TCERG1: variants seen among roughly 807,000 people sequenced by gnomAD.
The protein encoded by TCERG1 is transcription elongation regulator 1, also known as TATA box binding protein (TBP)-associated factor, RNA polymerase II, S, 150kD.
In TCERG1, 37 loss-of-function variants were observed where a neutral mutation model predicts 144.7. The ratio of observed to expected loss-of-function variants is 0.26; its 90% CI spans 0.20 to 0.34. The LOEUF (loss-of-function observed/expected upper bound fraction) is 0.34, where lower values mean the gene tolerates loss of function less well. TCERG1 is among the 10% of genes least tolerant of loss of function. The pLI is 1.00. For synonymous variants in TCERG1, 492 were observed against 458.2 expected (o/e 1.07, Z -0.94); for missense variants, 1,027 against 1,380.7 (o/e 0.74, Z 4.06).
chr5:146,493,050 G>C lies in TCERG1; in HGVS notation c.2282+12G>C, dbSNP rs757860222. 6.6e-7 allele frequency: 1 copy of C among 1,519,484 alleles called. No individual in the cohort carries two copies. The highest frequency in any genetic ancestry group is 1.2e-5 in the South Asian group (1 of 84,172). The allele number at this position is 1,519,484 out of a possible 1,614,324, so 94.1% of individuals were successfully genotyped here. A position where few individuals can be genotyped will look rare whatever the true frequency, so the allele number is the denominator to read the frequency against. ...AAATTTAATCCAAGGTATGTGGTTT[G>C]TTTCTCTTAAATATCAAAGTGTATT... On this transcript the variant is annotated intron_variant, in intron 16 of 22. Coordinates refer to ENST00000679501, the MANE Select transcript of TCERG1 (RefSeq NM_001382548.1).
chr5:146,453,398 A>G (rs1438187131), intron 1 of TCERG1, among the ~76,000 whole-genome samples: 1 of 152,230 alleles, frequency 6.6e-6, no homozygotes, highest in African/African-American at 2.4e-5. Flanking sequence ...GCACACGTGC[A>G]TCCTCTTTGT....
chr5:146,471,710 T>G, intron 9 of TCERG1, 134 bp downstream of exon 9: 2 of 575,664 alleles, frequency 3.5e-6, no homozygotes, highest in Non-Finnish European at 6.0e-6. Flanking sequence ...GCGATTCTCC[T>G]GCCTCAGCTT....
At chr5:146,461,353 T>C (rs963125231) in intron 4 of TCERG1, among the ~76,000 whole-genome samples, 1 of 152,182 alleles carries the variant, frequency 6.6e-6, no homozygotes, top group African/African-American at 2.4e-5. Flanking sequence ...TTAATATTTC[T>C]CCATCTATTA....
chr5:146,509,065 G>A (rs1561712430), intron 21 of TCERG1, 80 bp from the exon 22 acceptor site: 4 of 748,584 alleles, frequency 5.3e-6, no homozygotes, highest in East Asian at 2.8e-5. Context: ...ACACATTACT[G>A]TTTAATAAAT....
intron 5 of TCERG1, among the ~76,000 whole-genome samples, chr5:146,466,314 G>T (rs1314597044): frequency 6.6e-6 from 1 of 152,150 alleles, no homozygotes; most frequent in Non-Finnish European, 1.5e-5. Flanking sequence ...CTTTGAAATA[G>T]TATTGTATGG....
At chr5:146,472,728 T>TGTGTG (rs1561660643) in intron 9 of TCERG1, among the ~76,000 whole-genome samples, 1 of 150,680 alleles carries the variant, frequency 6.6e-6, no homozygotes, top group South Asian at 2.1e-4. Context: ...TGTGTGTGTG[T>TGTGTG]TTTGAGACGG....
At chr5:146,475,060 C>G (rs1764706971) in intron 9 of TCERG1, among the ~76,000 whole-genome samples, 1 of 152,154 alleles carries the variant, frequency 6.6e-6, no homozygotes, top group African/African-American at 2.4e-5. Flanking sequence ...CCTGCTCCAA[C>G]TTATTTAATC....
At chr5:146,510,231 G>A in intron 22 of TCERG1, 1 of 724,264 alleles carries the variant, frequency 1.4e-6, no homozygotes, top group East Asian at 3.3e-5. Context: ...AGGGGTGGGA[G>A]GGTAATTCAG....
At chr5:146,475,274 C>G (rs185261359) in intron 9 of TCERG1, among the ~76,000 whole-genome samples, 9 of 152,278 alleles carry the variant, frequency 5.9e-5, no homozygotes, top group Non-Finnish European at 2.9e-5. Flanking sequence ...GCAAGCAGGT[C>G]TAGAAGTGTG....
chr5:146,486,096 T>C (rs933352648), intron 15 of TCERG1, among the ~76,000 whole-genome samples: 1 of 152,242 alleles, frequency 6.6e-6, no homozygotes, highest in African/African-American at 2.4e-5. Context: ...ACACGTTTTT[T>C]GAATACTTGG....
intron 8 of TCERG1, 69 bp from the exon 9 acceptor site, chr5:146,471,419 T>A (rs1581444161): frequency 7.0e-7 from 1 of 1,423,288 alleles, no homozygotes; most frequent in African/African-American, 1.4e-5. Context: ...GCTGTTTGCC[T>A]TCATGTTTTT....
At chr5:146,485,768 A>C (rs1472599714) in intron 15 of TCERG1, among the ~76,000 whole-genome samples, 1 of 152,062 alleles carries the variant, frequency 6.6e-6, no homozygotes, top group Non-Finnish European at 1.5e-5. Context: ...ATCTCATCTT[A>C]CTGCAGCCTC....
chr5:146,469,127 C>A (rs1468622000), intron 6 of TCERG1, among the ~76,000 whole-genome samples: 1 of 151,858 alleles, frequency 6.6e-6, no homozygotes, highest in Non-Finnish European at 1.5e-5. Flanking sequence ...CTTTTAGTTA[C>A]CTTAAAATTA....
chr5:146,455,893 GACTT>G (rs1428857162), intron 2 of TCERG1, among the ~76,000 whole-genome samples: 25 of 152,178 alleles, frequency 1.6e-4, no homozygotes, highest in Non-Finnish European at 4.4e-5. Context: ...AGTGTATCCA[GACTT>G]ACTGTCTGAG....
Position 146,463,674 on chromosome 5 carries a change from C to A in TCERG1, c.1016C>A (p.Thr339Lys). The change falls in exon 5 of 23, where the codon ACG (threonine) becomes AAG (lysine). Residue 339 changes from threonine to lysine, a missense_variant. This residue lies in a region of TCERG1 where 187 missense variants were observed against 169.1 expected (regional missense o/e 1.11). Coordinates refer to ENST00000679501, the MANE Select transcript of TCERG1 (RefSeq NM_001382548.1). ...VQTVPQPHPQ[T>K]LPPAVPHSVP... The stretch of plus-strand genomic sequence containing the variant: ...ACCGTTCCCCAGCCGCACCCTCAGA[C>A]GTTACCTCCTGCTGTTCCTCATTCA... The A allele has an allele frequency of 1.2e-6, 2 of 1,614,200 alleles. No individual in the cohort carries two copies. The highest frequency in any genetic ancestry group is 1.7e-6 in the Non-Finnish European group (2 of 1,180,038).
rs1352872729 is a variant in TCERG1 at position 146,503,848 on chromosome 5, G to A, written c.2623G>A (p.Glu875Lys). Residue 875 changes from glutamate to lysine, a missense_variant, in exon 19 of 23, where the codon GAG becomes AAG. Glu to Lys is a moderately conservative substitution (Grantham distance 56, BLOSUM62 1). Around this residue, in one of 6 missense-constraint regions of TCERG1, gnomAD observed 482 missense variants for 632.6 expected, o/e 0.76. Coordinates refer to ENST00000679501, the MANE Select transcript of TCERG1 (RefSeq NM_001382548.1). Reference sequence around the variant, plus strand: ...GAATTTAGACTCAGAAAAAGAAAAGGAGCTTGAAAGGCAAGCCCGCATTGA... The same window carrying A: ...GAATTTAGACTCAGAAAAAGAAAAGAAGCTTGAAAGGCAAGCCCGCATTGA... ...AKNLDSEKEK[E>K]LERQARIEAS... The A allele has an allele frequency of 6.3e-7, 1 of 1,597,538 alleles. No homozygotes were observed. Among genetic ancestry groups the A allele is most frequent in the Non-Finnish European group, 8.5e-7 (1 of 1,175,568 alleles).
At chr5:146,476,472 G>A (rs1034907294) in intron 9 of TCERG1, among the ~76,000 whole-genome samples, 2 of 152,012 alleles carry the variant, frequency 1.3e-5, no homozygotes, top group African/African-American at 4.8e-5. Context: ...TCAAATTACT[G>A]TGTTTTAAAG....
At chr5:146,510,360 C>A in intron 22 of TCERG1, 81 bp from the exon 23 acceptor site, 216 of 763,434 alleles carry the variant, frequency 2.8e-4, no homozygotes, top group Middle Eastern at 4.2e-4. Context: ...CAATTAGGAA[C>A]TAGATGGACA....
intron 2 of TCERG1, among the ~76,000 whole-genome samples, chr5:146,455,884 G>A (rs896325224): frequency 6.6e-6 from 1 of 152,174 alleles, no homozygotes; most frequent in African/African-American, 2.4e-5. Context: ...TCCTTCTCCA[G>A]TGTATCCAGA....
Sources: gnomAD v4.1 joint callset for allele counts (sites outside exome capture counted in the v4.1 genomes callset) on GRCh38, gnomAD v4.1.1 for gene constraint, gnomAD v4.1.1 regional missense constraint, MANE v1.5 for transcripts, NCBI Gene and HGNC (gene_info 2026-07-23, HGNC 2026-07-21) for gene names.